The following TRMT11 variants were observed in gnomAD, a reference collection of about 807,000 sequenced individuals.
The protein encoded by TRMT11 is tRNA methyltransferase 11.
A neutral mutation model predicts 62.8 loss-of-function variants in TRMT11; 53 were observed. That is an observed-to-expected ratio of 0.84 (90% CI 0.68 to 1.06). The LOEUF (loss-of-function observed/expected upper bound fraction) is 1.06, where lower values mean the gene tolerates loss of function less well. Ranked by LOEUF, TRMT11 falls within the 50% of genes least tolerant of loss-of-function variation. TRMT11 has a pLI of 0.00. For missense variants in TRMT11, 556 were observed against 553.4 expected, an observed-to-expected ratio of 1.00 and a Z score of -0.05; for synonymous variants, 188 against 190.3, an observed-to-expected ratio of 0.99 and a Z score of 0.10.
chr6:126,128,943 C>G (rs1454113059), intron 21 of TRMT11, among the ~76,000 whole-genome samples: 1 of 118,980 alleles, frequency 8.4e-6, no homozygotes, highest in Non-Finnish European at 1.8e-5. Flanking sequence ...GCACAGCTTT[C>G]AAGTGCAGAC....
chr6:126,103,292 T>C (rs1289840852), intron 17 of TRMT11, among the ~76,000 whole-genome samples: 3 of 152,260 alleles, frequency 2.0e-5, no homozygotes, highest in African/African-American at 7.2e-5. Flanking sequence ...TGTTTCTGGC[T>C]GTGTCTAAAG....
intron 21 of TRMT11, among the ~76,000 whole-genome samples, chr6:126,131,470 A>G (rs1039243522): frequency 6.6e-6 from 1 of 151,988 alleles, no homozygotes; most frequent in Admixed American, 6.6e-5. Context: ...ATGTCTAAGT[A>G]TATTTCAAGT....
At chr6:126,145,860 G>T (rs190125452) in intron 21 of TRMT11, among the ~76,000 whole-genome samples, 28 of 151,642 alleles carry the variant, frequency 1.8e-4, no homozygotes, top group Non-Finnish European at 3.4e-4. Context: ...TTATCATTTT[G>T]CCCTCAACCT....
intron 21 of TRMT11, among the ~76,000 whole-genome samples, chr6:126,159,922 C>T (rs1469631731): frequency 1.3e-5 from 2 of 152,088 alleles, no homozygotes; most frequent in African/African-American, 4.8e-5. Context: ...ATGAAGTCAA[C>T]AGGAATTGGA....
chr6:126,153,680 G>A (rs1014735067), intron 21 of TRMT11, among the ~76,000 whole-genome samples: 1 of 152,164 alleles, frequency 6.6e-6, no homozygotes, highest in African/African-American at 2.4e-5. Flanking sequence ...TTATAAACTT[G>A]TTAAACCAAA....
At chr6:126,026,445 G>A (rs1773108337) in intron 12 of TRMT11, among the ~76,000 whole-genome samples, 1 of 152,006 alleles carries the variant, frequency 6.6e-6, no homozygotes, top group Admixed American at 6.6e-5. Flanking sequence ...GAGTGCAGTG[G>A]CGTGATCTTG....
In TRMT11 at chr6:126,195,107, C is replaced by A. The variant is rs750910153; in HGVS notation, n.144-3692C>A. On this transcript the variant is annotated intron_variant and non_coding_transcript_variant, in intron 1 of 3. Transcript: ENST00000444229. Reference sequence around the variant, plus strand: ...TTCTAGCCTGGGAGGCAGAGTGAGACCCTGTTATAAAAGTTATTGGTAAAA... The same window carrying A: ...TTCTAGCCTGGGAGGCAGAGTGAGAACCTGTTATAAAAGTTATTGGTAAAA... Among the ~76,000 whole-genome samples the A allele has an allele frequency of 9.0e-4, 137 of 152,116 alleles. 2 individuals are homozygous for A. The highest frequency in any genetic ancestry group is 1.9e-4 in the Non-Finnish European group (13 of 68,034).
At chr6:126,194,871 T>C (rs553504936) in intron 1 of TRMT11, among the ~76,000 whole-genome samples, 2 of 152,100 alleles carry the variant, frequency 1.3e-5, no homozygotes, top group Non-Finnish European at 2.9e-5. Flanking sequence ...TCTCAGCCCT[T>C]TGGGAGGCTG....
chr6:126,221,235 C>T, the TRMT11 span, among the ~76,000 whole-genome samples: 1 of 152,106 alleles, frequency 6.6e-6, no homozygotes, highest in African/African-American at 2.4e-5. Context: ...CATGTATGTG[C>T]CTTTATGGTA....
intron 7 of TRMT11, among the ~76,000 whole-genome samples, chr6:126,003,298 C>G (rs1792819434): frequency 6.6e-6 from 1 of 152,012 alleles, no homozygotes; most frequent in Non-Finnish European, 1.5e-5. Context: ...CACCAGCTAT[C>G]ATTAGTGTTA....
At chr6:126,194,957 A>G (rs367848185) in intron 1 of TRMT11, among the ~76,000 whole-genome samples, 2 of 152,150 alleles carry the variant, frequency 1.3e-5, no homozygotes, top group Non-Finnish European at 2.9e-5. Flanking sequence ...TCTATAAAAA[A>G]TAAAAAAAAT....
At chr6:126,227,557 TA>T in the TRMT11 span, among the ~76,000 whole-genome samples, 1 of 152,180 alleles carries the variant, frequency 6.6e-6, no homozygotes. Context: ...GAAAATTGCC[TA>T]AAAAACTGAT....
At chr6:126,128,496 A>G (rs1264411582) in intron 21 of TRMT11, among the ~76,000 whole-genome samples, 1 of 152,010 alleles carries the variant, frequency 6.6e-6, no homozygotes, top group Non-Finnish European at 1.5e-5. Context: ...AATCTTCTCA[A>G]TTTGGGTTCT....
intron 12 of TRMT11, among the ~76,000 whole-genome samples, chr6:126,028,887 G>C (rs1773669069): frequency 6.6e-6 from 1 of 152,088 alleles, no homozygotes; most frequent in African/African-American, 2.4e-5. Flanking sequence ...GAGAACACAT[G>C]TCTTTATGGT....
At chr6:126,148,239 C>T (rs574606099) in intron 21 of TRMT11, among the ~76,000 whole-genome samples, 2 of 152,260 alleles carry the variant, frequency 1.3e-5, no homozygotes, top group Admixed American at 6.5e-5. Context: ...ACCAGAAGAC[C>T]GTCTTACCTG....
chr6:126,169,253 C>T (rs6907289), intron 21 of TRMT11, among the ~76,000 whole-genome samples: 29,334 of 152,034 alleles, frequency 0.19, 3,024 homozygotes, highest in Middle Eastern at 0.24. Flanking sequence ...GAATTTTTAA[C>T]GTTTGGTCTA....
intron 17 of TRMT11, among the ~76,000 whole-genome samples, chr6:126,107,334 A>C (rs1458991275): frequency 6.6e-6 from 1 of 152,228 alleles, no homozygotes; most frequent in Non-Finnish European, 1.5e-5. Flanking sequence ...TCAGAATGCA[A>C]AACAGTCTGA....
At chr6:126,058,512 A>T (rs1323705037) in intron 17 of TRMT11, among the ~76,000 whole-genome samples, 1 of 152,180 alleles carries the variant, frequency 6.6e-6, no homozygotes, top group African/African-American at 2.4e-5. Flanking sequence ...CTAGTTCTAG[A>T]TCCTTGAGGA....
At chr6:126,139,303 G>A (rs891817404) in intron 21 of TRMT11, among the ~76,000 whole-genome samples, 3 of 151,888 alleles carry the variant, frequency 2.0e-5, no homozygotes, top group African/African-American at 4.8e-5. Flanking sequence ...TTTTTGAGAA[G>A]TAGCAACAGC....
Sources: allele counts gnomAD v4.1 joint callset (sites outside exome capture counted in the v4.1 genomes callset), GRCh38; gene constraint gnomAD v4.1.1; transcripts MANE v1.5; gene names NCBI Gene and HGNC (gene_info 2026-07-23, HGNC 2026-07-21).